DBX2: variants seen among roughly 807,000 people sequenced by gnomAD.
The protein encoded by DBX2 is homeobox protein DBX2.
In DBX2, 16 loss-of-function variants were observed where a neutral mutation model predicts 17.7. The ratio of observed to expected loss-of-function variants is 0.90; its 90% confidence interval spans 0.61 to 1.37. DBX2 has a LOEUF of 1.37. DBX2 is among the 40% of genes most tolerant of loss of function. The pLI is 0.00. For missense variants in DBX2, 538 were observed against 433.8 expected (o/e 1.24, Z -2.13); for synonymous variants, 255 against 183.8 (o/e 1.39, Z -3.13).
chr12:45,030,266 G>C (rs926884356), intron 2 of DBX2, among the ~76,000 whole-genome samples: 3 of 152,156 alleles, frequency 2.0e-5, no homozygotes, highest in African/African-American at 7.2e-5. Flanking sequence ...ACCTTATCCA[G>C]TCACTTTCTA....
chr12:45,042,876 G>T (rs189151350), intron 1 of DBX2, among the ~76,000 whole-genome samples: 1 of 152,120 alleles, frequency 6.6e-6, no homozygotes, highest in South Asian at 2.1e-4. Flanking sequence ...TCCAGCTGTG[G>T]GACGTTAGTT....
rs969015523 is a variant in DBX2, at chr12:45,045,984, CCTT to C, written c.403+4538_403+4540del. Reference sequence around the variant, plus strand: ...GCTAAGTAAGTGGAAAGTTCTAAAACCTTCTTATTTGCCTGCTCCATGTACTCC... The same window carrying C: ...GCTAAGTAAGTGGAAAGTTCTAAAACCTTATTTGCCTGCTCCATGTACTCC... On this transcript the variant is annotated intron_variant, in intron 1 of 3. Transcript: ENST00000332700. 3.9e-5 allele frequency among the ~76,000 whole-genome samples: 6 copies of C among 152,122 alleles called. 1 individual carries two copies. Among genetic ancestry groups the C allele is most frequent in the Non-Finnish European group, 7.4e-5 (5 of 68,004 alleles).
chr12:45,049,965 C>T (rs959707083), intron 1 of DBX2, among the ~76,000 whole-genome samples: 6 of 152,050 alleles, frequency 3.9e-5, no homozygotes, highest in Admixed American at 2.6e-4. Context: ...CTAAAGTGAT[C>T]CAAAATTTAA....
chr12:45,017,680 C>T (rs1388340061), intron 3 of DBX2, among the ~76,000 whole-genome samples: 1 of 152,100 alleles, frequency 6.6e-6, no homozygotes. Context: ...TGAACCATAT[C>T]TTCCTCCAAC....
chr12:45,050,550 G>C lies in DBX2; in HGVS notation c.378C>G (p.Asp126Glu). 6.4e-7 allele frequency: 1 copy of C among 1,553,176 alleles called. No homozygotes were observed. Among genetic ancestry groups the C allele is most frequent in the Non-Finnish European group, 8.7e-7 (1 of 1,149,292 alleles). The change falls in exon 1 of 4, where the codon GAC becomes GAG. Residue 126 changes from aspartate to glutamate, a missense_variant. Transcript: ENST00000332700. ...RLPGRAPGDRDCTFQPSAPAP... is the reference protein window; with the variant it reads ...RLPGRAPGDRECTFQPSAPAP... ...CTGGCGCTGAAGGCTGGAAGGTACA[G>C]TCTCGGTCCCCCGGAGCCCGGCCCG...
Position 45,039,219 on chromosome 12 carries a change from G to T in DBX2, c.404-3105C>A, listed in dbSNP as rs944082203. Among the ~76,000 whole-genome samples, 7 of 138,788 alleles carry T rather than the reference G, an allele frequency of 5.0e-5. No individual in the cohort carries two copies. The East Asian group carries it at 1.1e-3, about 23-fold the overall frequency. 91.1% of individuals were successfully genotyped at this position (138,788 alleles called of 152,430 possible). ...ATGCTAATCCAGTGAGCACATGATTGCAGGAGCACTGAATGGCCTTAAGAA... is the reference window on the plus strand; with the variant it reads ...ATGCTAATCCAGTGAGCACATGATTTCAGGAGCACTGAATGGCCTTAAGAA... On this transcript the variant is annotated intron_variant, in intron 1 of 3. Coordinates refer to ENST00000332700, the MANE Select transcript of DBX2 (RefSeq NM_001004329.3).
chr12:45,048,430 T>C lies in DBX2; in HGVS notation c.403+2095A>G, dbSNP rs116710987. 5.3e-3 allele frequency among the ~76,000 whole-genome samples: 803 copies of C among 152,310 alleles called. 7 individuals carry two copies. Among genetic ancestry groups the C allele is most frequent in the African/African-American group, 0.018 (754 of 41,586 alleles). ...GAAAACAAAGCTTCTCCAACTCTTA[T>C]GCTGTCCCCAGAACACCAAATCACT... On this transcript the variant is annotated intron_variant, in intron 1 of 3. Coordinates refer to ENST00000332700, the MANE Select transcript of DBX2 (RefSeq NM_001004329.3).
chr12:45,034,953 C>A (rs907089994), intron 2 of DBX2, among the ~76,000 whole-genome samples: 1 of 152,160 alleles, frequency 6.6e-6, no homozygotes, highest in Non-Finnish European at 1.5e-5. Context: ...GTGAAAGTGA[C>A]GATTGGTCAC....
intron 2 of DBX2, among the ~76,000 whole-genome samples, chr12:45,027,623 T>C (rs1946388280): frequency 6.6e-6 from 1 of 152,192 alleles, no homozygotes; most frequent in Admixed American, 6.5e-5. Context: ...TAAAGTATGA[T>C]ATTTAAGATA....
Position 45,024,411 on chromosome 12 carries a change from T to A in DBX2, c.500-517A>T, listed in dbSNP as rs117841078. Among the ~76,000 whole-genome samples the A allele has an allele frequency of 2.5e-3, 380 of 152,332 alleles. 1 individual carries two copies. Among genetic ancestry groups the A allele is most frequent in the Admixed American group, 4.8e-3 (74 of 15,308 alleles). On this transcript the variant is annotated intron_variant, in intron 2 of 3. Coordinates refer to ENST00000332700, the MANE Select transcript of DBX2 (RefSeq NM_001004329.3). ...GAGAACAGACTAATACAGACTCCTC[T>A]GAGAATCTGATAAATACTCTTTGCT...
At chr12:45,035,524 A>G (rs1390048600) in intron 2 of DBX2, among the ~76,000 whole-genome samples, 1 of 152,122 alleles carries the variant, frequency 6.6e-6, no homozygotes, top group Non-Finnish European at 1.5e-5. Flanking sequence ...AATATTTCCA[A>G]CAGTTCTGGT....
rs144236221 is a variant in DBX2, at chr12:45,044,856, T to C, written c.403+5669A>G. Among the ~76,000 whole-genome samples the C allele has an allele frequency of 7.0e-3, 1,065 of 152,184 alleles. 23 individuals carry two copies. The highest frequency in any genetic ancestry group is 0.024 in the African/African-American group (987 of 41,542). ...AATGAAATCAGCTATGGTAACTTTA[T>C]ATAGAGTGATGGATCACTCAGCATT... is the stretch of plus-strand genomic sequence containing the variant. On this transcript the variant is annotated intron_variant, in intron 1 of 3. Coordinates refer to ENST00000332700, the MANE Select transcript of DBX2 (RefSeq NM_001004329.3).
intron 1 of DBX2, among the ~76,000 whole-genome samples, chr12:45,046,671 A>T (rs1257982152): frequency 2.0e-5 from 3 of 152,162 alleles, no homozygotes; most frequent in Non-Finnish European, 4.4e-5. Flanking sequence ...TGGAGGAAAA[A>T]ACTACCGTTT....
rs1378946614 is a variant in DBX2 at position 45,016,144 on chromosome 12, G to A, written c.*142C>T. The A allele has an allele frequency of 4.8e-6, 4 of 829,364 alleles. No individual in the cohort carries two copies. In the South Asian group the frequency reaches 8.0e-5, roughly 17 times the overall value. 51.4% of individuals were successfully genotyped at this position (829,364 alleles called of 1,614,324 possible). A position where few individuals can be genotyped will look rare whatever the true frequency, so the allele number is the denominator to read the frequency against. ...TAGGGCCAAACAAGAGAACACTAGA[G>A]TGGGTTTCCTAAAGCATTAGTTCAT... On this transcript the variant is annotated 3_prime_UTR_variant, in exon 4 of 4. Transcript: ENST00000332700.
At chr12:45,038,245 T>C (rs1453889387) in intron 1 of DBX2, among the ~76,000 whole-genome samples, 2 of 151,844 alleles carry the variant, frequency 1.3e-5, no homozygotes, top group African/African-American at 4.8e-5. Context: ...AGATAAACAT[T>C]CTATAAATAA....
At chr12:45,024,553 T>A (rs2137020792) in intron 2 of DBX2, among the ~76,000 whole-genome samples, 1 of 152,360 alleles carries the variant, frequency 6.6e-6, no homozygotes, top group South Asian at 2.1e-4. Context: ...AGTAGGTGGT[T>A]TAAATACTTC....
At chr12:45,047,751 T>C (rs1171432526) in intron 1 of DBX2, among the ~76,000 whole-genome samples, 1 of 152,180 alleles carries the variant, frequency 6.6e-6, no homozygotes, top group Non-Finnish European at 1.5e-5. Context: ...TTCTAGTCAA[T>C]GGAAGACTAA....
rs571603468 is a variant in DBX2 at position 45,023,984 on chromosome 12, T to C, written c.500-90A>G. On this transcript the variant is annotated intron_variant, in intron 2 of 3. Transcript: ENST00000332700. ...GACAATATGGTATCCTCCTACTTTG[T>C]ACTATGGCCAAATGACCTCATTTCA... 14 of 1,284,446 alleles carry C rather than the reference T, an allele frequency of 1.1e-5. No individual in the cohort carries two copies. In the African/African-American group the frequency reaches 2.0e-4, roughly 18 times the overall value. 79.6% of individuals were successfully genotyped at this position (1,284,446 alleles called of 1,614,324 possible).
intron 1 of DBX2, among the ~76,000 whole-genome samples, chr12:45,038,189 A>G (rs905049174): frequency 1.3e-5 from 2 of 151,906 alleles, no homozygotes; most frequent in Non-Finnish European, 1.5e-5. Flanking sequence ...TTGCCTAATT[A>G]TGTTTATTTT....
Sources: allele counts gnomAD v4.1 joint callset (sites outside exome capture counted in the v4.1 genomes callset), GRCh38; gene constraint gnomAD v4.1.1; transcripts MANE v1.5; gene names NCBI Gene and HGNC (gene_info 2026-07-23, HGNC 2026-07-21).